Variants in DHRS7B observed in about 807,000 individuals in gnomAD.
DHRS7B encodes peroxisomal reductase activating PPAR-gamma.
A neutral mutation model predicts 26.4 loss-of-function variants in DHRS7B; 24 were observed. The observed-to-expected ratio is 0.91, with a 90% confidence interval of 0.66 to 1.28. The LOEUF (loss-of-function observed/expected upper bound fraction) is 1.28. Among genes scored for constraint, DHRS7B ranks in the 50% most tolerant of loss-of-function variants. The pLI is 0.00. For missense variants in DHRS7B, 368 were observed against 419.4 expected, an observed-to-expected ratio of 0.88 and a Z score of 1.07; for synonymous variants, 142 against 166.4, an observed-to-expected ratio of 0.85 and a Z score of 1.13.
intron 3 of DHRS7B, 89 bp downstream of exon 3, chr17:21,178,431 G>A: frequency 1.9e-6 from 2 of 1,070,310 alleles, no homozygotes; most frequent in Non-Finnish European, 2.8e-6. Context: ...CTGGACTGCT[G>A]AGCTGTAGGA....
Position 21,178,338 on chromosome 17 carries a change from C to A in DHRS7B, c.305C>A (p.Thr102Asn). ...LIRELTASHA[T>N]KVQTHKPYLV... Reference sequence around the variant, plus strand: ...AGAGAACTCACCGCTTCTCATGCCACCAAGGTGAGCCAGGGGCGTGCTTTC... The same window carrying A: ...AGAGAACTCACCGCTTCTCATGCCAACAAGGTGAGCCAGGGGCGTGCTTTC... Residue 102 changes from threonine to asparagine, a missense_variant, in exon 3 of 7, where the codon ACC becomes AAC. Transcript: ENST00000395511. The A allele has an allele frequency of 6.2e-7, 1 of 1,613,602 alleles. No individual in the cohort carries two copies. Among genetic ancestry groups the A allele is most frequent in the Non-Finnish European group, 8.5e-7 (1 of 1,179,818 alleles).
intron 3 of DHRS7B, among the ~76,000 whole-genome samples, chr17:21,183,200 C>G (rs1332215523): frequency 6.6e-6 from 1 of 152,034 alleles, no homozygotes; most frequent in Non-Finnish European, 1.5e-5. Flanking sequence ...CTTTTATAAT[C>G]ATTTTTATAA....
In DHRS7B at chr17:21,184,501, T is replaced by C. The variant is rs150007102; in HGVS notation, c.619+38T>C. 5.1e-6 allele frequency: 8 copies of C among 1,571,720 alleles called. No individual in the cohort carries two copies. The African/African-American group carries it at 8.1e-5, about 16-fold the overall frequency. On this transcript the variant is annotated intron_variant, in intron 5 of 6. Coordinates refer to ENST00000395511, the MANE Select transcript of DHRS7B (RefSeq NM_015510.5). ...CTCTCCCACAAAATGCTTGGCTTTA[T>C]TGTTTTTTCCTGATTATAAAAATAA...
At chr17:21,174,580 C>T (rs1273928530) in intron 2 of DHRS7B, among the ~76,000 whole-genome samples, 1 of 152,200 alleles carries the variant, frequency 6.6e-6, no homozygotes, top group African/African-American at 2.4e-5. Flanking sequence ...TCTGTCACTC[C>T]CTACACAAAC....
chr17:21,167,635 A>C (rs929941865), intron 1 of DHRS7B, among the ~76,000 whole-genome samples: 1 of 151,918 alleles, frequency 6.6e-6, no homozygotes, highest in Admixed American at 6.6e-5. Context: ...CTCTCTCCCC[A>C]TGTCTCTGTC....
At chr17:21,128,935 C>A (rs1351626212) in intron 1 of DHRS7B, 1 of 143,996 alleles carries the variant, frequency 6.9e-6, no homozygotes, top group Admixed American at 6.9e-5. Context: ...CAACAACAAA[C>A]AACAACAAAG....
rs1328918527 is a variant in DHRS7B at position 21,146,791 on chromosome 17, G to A, written c.20+19800G>A. On this transcript the variant is annotated intron_variant, in intron 1 of 6. Transcript: ENST00000395511. ...CTTACTGAATAAGAAGGAAGATGTG[G>A]TTGGACAACTATAGCAACTGACCCC... 3.9e-5 allele frequency among the ~76,000 whole-genome samples: 6 copies of A among 152,202 alleles called. No homozygotes were observed. In the East Asian group the frequency reaches 1.2e-3, roughly 29 times the overall value.
At chr17:21,168,570 T>C (rs1158961792) in intron 1 of DHRS7B, among the ~76,000 whole-genome samples, 2 of 152,162 alleles carry the variant, frequency 1.3e-5, no homozygotes, top group African/African-American at 4.8e-5. Context: ...GATTTCACCA[T>C]GTTGCCCGGG....
intron 3 of DHRS7B, among the ~76,000 whole-genome samples, chr17:21,182,674 CCA>C (rs1486846566): frequency 6.6e-6 from 1 of 152,180 alleles, no homozygotes; most frequent in Admixed American, 6.5e-5. Flanking sequence ...CAGCCATGAG[CCA>C]CTGTACCTGG....
At chr17:21,127,732 C>CT (rs972267041) in intron 1 of DHRS7B, 21 of 152,198 alleles carry the variant, frequency 1.4e-4, no homozygotes, top group African/African-American at 1.9e-4. Flanking sequence ...ACATAATGCT[C>CT]TTTTTTTCAG....
chr17:21,182,577 A>G (rs551947528), intron 3 of DHRS7B, among the ~76,000 whole-genome samples: 449 of 152,120 alleles, frequency 3.0e-3, no homozygotes, highest in African/African-American at 0.01. Context: ...TTAAAGAGAC[A>G]GGGTCTCGCC....
Position 21,191,100 on chromosome 17 carries a change from T to C in DHRS7B, c.925T>C (p.Phe309Leu), listed in dbSNP as rs921461017. ...TCGAACTCTGGCTCCTGGGCTCTTC[T>C]TCAGCCTCATGGCCTCCAGGGCCAG... is the stretch of plus-strand genomic sequence containing the variant. ...YLRTLAPGLF[F>L]SLMASRARKE... The change falls in exon 7 of 7, where the codon TTC (phenylalanine) becomes CTC (leucine). Residue 309 changes from phenylalanine to leucine, a missense_variant. By Grantham distance (22) the Phe-to-Leu change is conservative. Transcript: ENST00000395511. 8 of 1,614,132 alleles carry C rather than the reference T, an allele frequency of 5.0e-6. No individual in the cohort carries two copies. The highest frequency in any genetic ancestry group is 5.1e-6 in the Non-Finnish European group (6 of 1,180,046).
chr17:21,170,846 C>A (rs1172010853), intron 1 of DHRS7B, among the ~76,000 whole-genome samples: 1 of 103,232 alleles, frequency 9.7e-6, no homozygotes, highest in African/African-American at 3.9e-5. Flanking sequence ...TGTCCTCTTA[C>A]GAAAGGAAGC....
Position 21,188,862 on chromosome 17 carries a change from AGGTGAGGCCC to A in DHRS7B, c.772+3_772+12del, listed in dbSNP as rs1225411092. The A allele has an allele frequency of 6.2e-7, 1 of 1,614,140 alleles. No homozygotes were observed. Among genetic ancestry groups the A allele is most frequent in the Non-Finnish European group, 8.5e-7 (1 of 1,180,004 alleles). On this transcript the variant is annotated splice_donor_variant and splice_donor_5th_base_variant and coding_sequence_variant and intron_variant, in exon 6 of 7. Transcript: ENST00000395511. LOFTEE classifies it high-confidence loss of function. ...TCACCGCGGATGGATCTAGGTATGGAGGTGAGGCCCGGTTTCTCTTTTCTCCTATGAAAAT... is the reference window on the plus strand; with the variant it reads ...TCACCGCGGATGGATCTAGGTATGGAGGTTTCTCTTTTCTCCTATGAAAAT...
chr17:21,142,390 C>T (rs1000929780), intron 1 of DHRS7B, among the ~76,000 whole-genome samples: 9 of 152,138 alleles, frequency 5.9e-5, no homozygotes, highest in Non-Finnish European at 1.0e-4. Flanking sequence ...GCCTGGTTTC[C>T]GGTCTGGTTC....
At chr17:21,143,969 G>A (rs907741779) in intron 1 of DHRS7B, among the ~76,000 whole-genome samples, 1 of 152,204 alleles carries the variant, frequency 6.6e-6, no homozygotes, top group Non-Finnish European at 1.5e-5. Context: ...TGAATCAAGT[G>A]GCCTTTCTTA....
chr17:21,136,846 G>A (rs1480270566), intron 1 of DHRS7B, among the ~76,000 whole-genome samples: 3 of 151,760 alleles, frequency 2.0e-5, no homozygotes, highest in Non-Finnish European at 2.9e-5. Context: ...GTGAGCCACC[G>A]CACCCAGTCA....
intron 1 of DHRS7B, among the ~76,000 whole-genome samples, chr17:21,129,704 C>CAAAAAAAA (rs61077377): frequency 1.8e-3 from 132 of 74,336 alleles, no homozygotes; most frequent in Non-Finnish European, 2.1e-3. Context: ...GACCCTGACT[C>CAAAAAAAA]AAAAAAAAAA....
At chr17:21,171,412 A>G (rs567534050) in intron 1 of DHRS7B, among the ~76,000 whole-genome samples, 18 of 152,310 alleles carry the variant, frequency 1.2e-4, no homozygotes, top group Admixed American at 1.2e-3. Context: ...GCCGGAGCCC[A>G]TGCTGGTGCT....
Sources: allele counts gnomAD v4.1 joint callset (sites outside exome capture counted in the v4.1 genomes callset), GRCh38; gene constraint gnomAD v4.1.1; transcripts MANE v1.5; gene names NCBI Gene and HGNC (gene_info 2026-07-23, HGNC 2026-07-21).